TENM2: variants seen among roughly 807,000 people sequenced by gnomAD.
TENM2 encodes teneurin-2.
A neutral mutation model predicts 245.2 loss-of-function variants in TENM2; 52 were observed. The observed-to-expected ratio is 0.21, with a 90% CI of 0.17 to 0.27. The LOEUF is 0.27. Ranked by LOEUF, TENM2 falls within the 10% of genes least tolerant of loss-of-function variation. The pLI, the probability that TENM2 is intolerant of heterozygous loss-of-function variation, is 1.00. For missense variants in TENM2, 3,046 were observed against 3,666.8 expected, an observed-to-expected ratio of 0.83 and a Z score of 4.37; for synonymous variants, 1,363 against 1,438.9, an observed-to-expected ratio of 0.95 and a Z score of 1.19.
chr5:168,158,827 G>GTATATA (rs1321504794), intron 12 of TENM2, among the ~76,000 whole-genome samples: 3 of 69,466 alleles, frequency 4.3e-5, no homozygotes, highest in African/African-American at 1.2e-4. Flanking sequence ...GTGTGTGTGT[G>GTATATA]TGTATATATA....
At chr5:168,037,277 C>G (rs1277679325) in intron 5 of TENM2, among the ~76,000 whole-genome samples, 1 of 152,166 alleles carries the variant, frequency 6.6e-6, no homozygotes, top group Non-Finnish European at 1.5e-5. Context: ...CTTTGCTGAA[C>G]AAATGACCAA....
intron 2 of TENM2, among the ~76,000 whole-genome samples, chr5:167,614,979 C>T (rs932849020): frequency 6.6e-6 from 1 of 152,102 alleles, no homozygotes; most frequent in East Asian, 1.9e-4. Context: ...GCTGCCTTTA[C>T]TTTATCTCAC....
the TENM2 span, among the ~76,000 whole-genome samples, chr5:167,162,647 AC>A: frequency 2.1e-5 from 3 of 145,574 alleles, no homozygotes; most frequent in East Asian, 4.4e-4. Flanking sequence ...ACAACAAAAA[AC>A]AAAAAAAAAA....
chr5:167,083,287 A>C, the TENM2 span, among the ~76,000 whole-genome samples: 2 of 152,124 alleles, frequency 1.3e-5, no homozygotes, highest in African/African-American at 4.8e-5. Context: ...GGACTAGCCA[A>C]TTTTATTCAG....
chr5:167,367,426 C>G (rs973578149), intron 1 of TENM2, among the ~76,000 whole-genome samples: 2 of 152,010 alleles, frequency 1.3e-5, no homozygotes, highest in African/African-American at 4.8e-5. Flanking sequence ...TACACTTACT[C>G]TGTTGTTTTA....
At chr5:167,636,142 C>T (rs74988308) in intron 2 of TENM2, among the ~76,000 whole-genome samples, 3,674 of 152,132 alleles carry the variant, frequency 0.024, 219 homozygotes, top group East Asian at 0.16. Flanking sequence ...CACCTTCTCA[C>T]GAGAGGATTT....
intron 2 of TENM2, among the ~76,000 whole-genome samples, chr5:167,665,767 AT>A (rs1755534627): frequency 6.6e-6 from 1 of 152,046 alleles, no homozygotes; most frequent in Non-Finnish European, 1.5e-5. Context: ...TTGAATGTTT[AT>A]TTTTCCCCCT....
At chr5:168,224,814 A>C (rs1430180665) in intron 23 of TENM2, among the ~76,000 whole-genome samples, 1 of 152,086 alleles carries the variant, frequency 6.6e-6, no homozygotes, top group Non-Finnish European at 1.5e-5. Flanking sequence ...TTCCTCCTCC[A>C]GTAACAAAAC....
At chr5:167,603,684 A>T (rs1776811889) in intron 2 of TENM2, among the ~76,000 whole-genome samples, 1 of 152,174 alleles carries the variant, frequency 6.6e-6, no homozygotes, top group African/African-American at 2.4e-5. Flanking sequence ...TTGTCTCAAA[A>T]ACAAAATAAA....
chr5:167,693,890 G>A (rs1260362737), intron 2 of TENM2, among the ~76,000 whole-genome samples: 7 of 152,136 alleles, frequency 4.6e-5, no homozygotes, highest in Non-Finnish European at 7.4e-5. Context: ...TCCTTACTGG[G>A]TATAAGTGTT....
intron 2 of TENM2, among the ~76,000 whole-genome samples, chr5:167,589,736 A>G (rs1269862961): frequency 6.6e-6 from 1 of 152,010 alleles, no homozygotes; most frequent in Non-Finnish European, 1.5e-5. Flanking sequence ...TCTTGCATTC[A>G]TTCTTATACA....
intron 2 of TENM2, among the ~76,000 whole-genome samples, chr5:167,671,059 CT>C (rs141196735): frequency 0.011 from 1,658 of 152,140 alleles, 33 homozygotes; most frequent in African/African-American, 0.038. Flanking sequence ...TGACTTGTTT[CT>C]TTTTTCCCCA....
intron 2 of TENM2, among the ~76,000 whole-genome samples, chr5:167,381,781 A>G (rs1160546526): frequency 6.6e-6 from 1 of 152,198 alleles, no homozygotes. Context: ...GTAGAAAGCT[A>G]GAACTCAGCA....
At position 168,222,538 on chromosome 5, in the gene TENM2, C is replaced by T. The variant is rs1013177877; in HGVS notation, c.5108+3539C>T. Among the ~76,000 whole-genome samples, 27 of 152,152 alleles carry T rather than the reference C, an allele frequency of 1.8e-4. 1 individual carries two copies. The highest frequency in any genetic ancestry group is 1.0e-4 in the Non-Finnish European group (7 of 68,026). ...CAATTCATGAAGGCTGGAATGGGCC[C>T]CTTTAAAAGTTGCCTCTCTCTCCTC... On this transcript the variant is annotated intron_variant, in intron 23 of 28. Transcript: ENST00000518659.
At chr5:167,816,955 A>T (rs1003331921) in intron 2 of TENM2, among the ~76,000 whole-genome samples, 5 of 152,114 alleles carry the variant, frequency 3.3e-5, no homozygotes, top group African/African-American at 9.7e-5. Context: ...CACAATCATG[A>T]CTCGTATTAG....
intron 7 of TENM2, among the ~76,000 whole-genome samples, chr5:168,070,816 AGAG>A (rs754787269): frequency 1.1e-4 from 15 of 132,616 alleles, no homozygotes; most frequent in East Asian, 4.0e-4. Context: ...AGAGAGAGAG[AGAG>A]AAAAAAAGAA....
rs1430366994 is a variant in TENM2 at position 167,960,027 on chromosome 5, T to A, written c.947+7205T>A. Among the ~76,000 whole-genome samples the A allele has an allele frequency of 2.0e-5, 3 of 152,234 alleles. No homozygotes were observed. In the East Asian group the frequency reaches 5.8e-4, roughly 29 times the overall value. On this transcript the variant is annotated intron_variant, in intron 4 of 28. Transcript: ENST00000518659. The stretch of plus-strand genomic sequence containing the variant: ...TTGCCTGGGTATCACCAGCGGAGGC[T>A]GCAGACAGCAAAGACTGCTGCCTGT...
At chr5:168,262,954 G>A (rs538879891) in exon 29 of TENM2, 2 of 722,294 alleles carry the variant, frequency 2.8e-6, no homozygotes, top group African/African-American at 3.6e-5. Flanking sequence ...CACATTTTTT[G>A]AGTTCAAATG....
intron 7 of TENM2, among the ~76,000 whole-genome samples, chr5:168,067,583 C>A (rs1485403259): frequency 6.6e-6 from 1 of 152,168 alleles, no homozygotes; most frequent in Non-Finnish European, 1.5e-5. Context: ...CATTTCAGAT[C>A]CTCATTTGAA....
Sources: allele counts gnomAD v4.1 joint callset (sites outside exome capture counted in the v4.1 genomes callset), GRCh38; gene constraint gnomAD v4.1.1; transcripts MANE v1.5; gene names NCBI Gene and HGNC (gene_info 2026-07-23, HGNC 2026-07-21).